RAD23B: variants seen among roughly 807,000 people sequenced by gnomAD.
The protein encoded by RAD23B is RAD23 nucleotide excision repair protein B.
In RAD23B, 5 loss-of-function variants were observed where a neutral mutation model predicts 49.1. The observed-to-expected ratio is 0.10, with a 90% CI of 0.05 to 0.21. The LOEUF is 0.21. Ranked by LOEUF, RAD23B falls within the 10% of genes least tolerant of loss-of-function variation. RAD23B has a pLI of 1.00. For missense variants in RAD23B, 356 were observed against 486.7 expected (o/e 0.73, Z 2.53); for synonymous variants, 184 against 165.4 (o/e 1.11, Z -0.86).
chr9:107,322,500 A>T (rs1006838365), intron 7 of RAD23B, among the ~76,000 whole-genome samples: 1 of 152,244 alleles, frequency 6.6e-6, no homozygotes, highest in Non-Finnish European at 1.5e-5. Flanking sequence ...GCAGGATTTT[A>T]GTAATTATAC....
chr9:107,283,585 C>T lies in RAD23B; in HGVS notation c.-45C>T, dbSNP rs932394952. On this transcript the variant is annotated 5_prime_UTR_variant, in exon 1 of 10. Transcript: ENST00000358015. ...CCAGGCCACAGACCCCGCCCAGCGG[C>T]CAGCACCCGGCGCAGGCCCGGCAGC... 1.9e-5 allele frequency: 27 copies of T among 1,453,572 alleles called. No homozygotes were observed. In the African/African-American group the frequency reaches 2.8e-4, roughly 15 times the overall value. 90.0% of individuals were successfully genotyped at this position (1,453,572 alleles called of 1,614,324 possible).
intron 5 of RAD23B, among the ~76,000 whole-genome samples, chr9:107,312,481 C>T (rs1826908161): frequency 6.6e-6 from 1 of 152,206 alleles, no homozygotes; most frequent in Non-Finnish European, 1.5e-5. Context: ...CTCCTAGCAT[C>T]TGAGTTGGTT....
At position 107,283,642 on chromosome 9, in the gene RAD23B, C is replaced by G. The variant is rs758392805; in HGVS notation, c.13C>G (p.Leu5Val). 7.4e-6 allele frequency: 11 copies of G among 1,486,370 alleles called. No individual in the cohort carries two copies. Among genetic ancestry groups the G allele is most frequent in the Non-Finnish European group, 9.9e-6 (11 of 1,116,430 alleles). 92.1% of individuals were successfully genotyped at this position (1,486,370 alleles called of 1,614,324 possible). The change falls in exon 1 of 10, where the codon CTG becomes GTG. Residue 5 changes from leucine to valine, a missense_variant. Leu to Val is a conservative substitution (Grantham distance 32, BLOSUM62 1). Coordinates refer to ENST00000358015, the MANE Select transcript of RAD23B (RefSeq NM_002874.5). MQVT[L>V]KTLQQQTFKI... ...GCGCGGCGGCACCATGCAGGTCACC[C>G]TGAAGACCCTCCAGCAGCAGACCTT...
intron 6 of RAD23B, among the ~76,000 whole-genome samples, chr9:107,319,771 A>G (rs1050254753): frequency 2.6e-5 from 4 of 152,108 alleles, no homozygotes; most frequent in African/African-American, 7.2e-5. Context: ...TTTACTGGTA[A>G]TGGGAGTTTT....
chr9:107,313,525 G>T (rs568974279), intron 5 of RAD23B, among the ~76,000 whole-genome samples: 12 of 152,270 alleles, frequency 7.9e-5, no homozygotes, highest in African/African-American at 2.9e-4. Context: ...TGCCCGGCCA[G>T]TTAATTCGTT....
chr9:107,321,137 A>G (rs902743506), intron 6 of RAD23B, among the ~76,000 whole-genome samples: 2 of 152,206 alleles, frequency 1.3e-5, no homozygotes, highest in African/African-American at 2.4e-5. Flanking sequence ...GATAAGTACT[A>G]TAAACTTACA....
Position 107,321,908 on chromosome 9 carries a change from CTA to C in RAD23B, c.682-72_682-71del, listed in dbSNP as rs529923781. 326 of 1,348,044 alleles carry C rather than the reference CTA, an allele frequency of 2.4e-4. 3 individuals are homozygous for C. The South Asian group carries it at 5.5e-3, about 23-fold the overall frequency. 83.5% of individuals were successfully genotyped at this position (1,348,044 alleles called of 1,614,324 possible). On this transcript the variant is annotated intron_variant, in intron 6 of 9. Coordinates refer to ENST00000358015, the MANE Select transcript of RAD23B (RefSeq NM_002874.5). ...AAAATCAAACAAGATGTTAAATAGA[CTA>C]TAAATCTTTTACTCTGTATAATATT...
intron 4 of RAD23B, among the ~76,000 whole-genome samples, chr9:107,310,664 G>T (rs7856112): frequency 0.56 from 84,371 of 151,988 alleles, 23,608 homozygotes; most frequent in East Asian, 0.75. Flanking sequence ...TAGTTTTACA[G>T]TATATTTAAT....
chr9:107,284,279 C>T, intron 1 of RAD23B: 1 of 945,184 alleles, frequency 1.1e-6, no homozygotes, highest in Non-Finnish European at 1.3e-6. Flanking sequence ...CTTCCTCCCG[C>T]CACCAAACCC....
intron 6 of RAD23B, among the ~76,000 whole-genome samples, chr9:107,319,755 C>CTT (rs148790944): frequency 6.6e-5 from 10 of 151,950 alleles, no homozygotes; most frequent in African/African-American, 2.2e-4. Context: ...ATAAAGTATT[C>CTT]TTTTTTTTAC....
At chr9:107,312,904 C>T (rs1423430850) in intron 5 of RAD23B, among the ~76,000 whole-genome samples, 1 of 152,062 alleles carries the variant, frequency 6.6e-6, no homozygotes, top group Admixed American at 6.6e-5. Flanking sequence ...CCTGAGTTCC[C>T]GGGAGCCTGG....
intron 3 of RAD23B, 87 bp downstream of exon 3, chr9:107,302,201 T>G: frequency 6.3e-7 from 1 of 1,576,522 alleles, no homozygotes; most frequent in Non-Finnish European, 8.6e-7. Context: ...GGACACAGTT[T>G]ATACACATCC....
intron 1 of RAD23B, among the ~76,000 whole-genome samples, chr9:107,297,665 C>A (rs1291838267): frequency 2.0e-5 from 3 of 148,948 alleles, no homozygotes; most frequent in South Asian, 2.1e-4. Context: ...ATTTTGATTT[C>A]TTTGAAGCAA....
At position 107,306,481 on chromosome 9, in the gene RAD23B, C is replaced by G. The variant is rs950956301; in HGVS notation, c.331C>G (p.Pro111Ala). Residue 111 changes from proline to alanine, a missense_variant, in exon 4 of 10, where the codon CCA becomes GCA. Around this residue, in one of 5 missense-constraint regions of RAD23B, gnomAD observed 137 missense variants for 122.0 expected, o/e 1.12. Coordinates refer to ENST00000358015, the MANE Select transcript of RAD23B (RefSeq NM_002874.5). ...SSTTTTVAQA[P>A]TPVPALAPTS... ...CACCACCACAACTGTGGCTCAGGCTCCAACCCCTGTCCCTGCCTTGGCCCC... is the reference window on the plus strand; with the variant it reads ...CACCACCACAACTGTGGCTCAGGCTGCAACCCCTGTCCCTGCCTTGGCCCC... The G allele has an allele frequency of 9.3e-6, 15 of 1,614,068 alleles. No individual in the cohort carries two copies. The highest frequency in any genetic ancestry group is 1.3e-5 in the African/African-American group (1 of 74,906).
intron 5 of RAD23B, among the ~76,000 whole-genome samples, chr9:107,316,670 TA>T (rs1827004826): frequency 6.6e-6 from 1 of 152,138 alleles, no homozygotes; most frequent in South Asian, 2.1e-4. Flanking sequence ...TTTTAGCTAT[TA>T]AACACCTTTA....
intron 9 of RAD23B, among the ~76,000 whole-genome samples, chr9:107,325,803 C>T (rs577158760): frequency 6.6e-5 from 10 of 152,296 alleles, no homozygotes; most frequent in African/African-American, 2.2e-4. Flanking sequence ...CCAACAACAT[C>T]CTTGTCTGGT....
intron 1 of RAD23B, chr9:107,284,842 C>T (rs1833242361): frequency 8.1e-7 from 1 of 1,235,102 alleles, no homozygotes. Context: ...TGACCTTGGG[C>T]AAATTACGGT....
chr9:107,322,953 G>A (rs1235966708), intron 7 of RAD23B, among the ~76,000 whole-genome samples: 3 of 152,118 alleles, frequency 2.0e-5, no homozygotes, highest in South Asian at 2.1e-4. Flanking sequence ...TCTAAGTCTC[G>A]TTGCCTTCAC....
At chr9:107,286,702 G>C (rs1371690250) in intron 1 of RAD23B, among the ~76,000 whole-genome samples, 3 of 152,064 alleles carry the variant, frequency 2.0e-5, no homozygotes, top group Non-Finnish European at 4.4e-5. Flanking sequence ...AAAATTGTGG[G>C]AGACTTTTAA....
Sources: allele counts gnomAD v4.1 joint callset (sites outside exome capture counted in the v4.1 genomes callset), GRCh38; gene constraint gnomAD v4.1.1; regional missense constraint gnomAD v4.1.1; transcripts MANE v1.5; gene names NCBI Gene and HGNC (gene_info 2026-07-23, HGNC 2026-07-21).